TUSC3: variants seen among roughly 807,000 people sequenced by gnomAD.
TUSC3 encodes the protein dolichyl-diphosphooligosaccharide--protein glycosyltransferase subunit TUSC3.
In TUSC3, 45 loss-of-function variants were observed where a neutral mutation model predicts 44.8. That is an observed-to-expected ratio of 1.00 (90% CI 0.79 to 1.29). The LOEUF (loss-of-function observed/expected upper bound fraction) is 1.29. TUSC3 is among the 50% of genes most tolerant of loss of function. TUSC3 has a pLI of 0.00. For missense variants in TUSC3, 519 were observed against 437.9 expected, an observed-to-expected ratio of 1.19 and a Z score of -1.65; for synonymous variants, 212 against 152.9, an observed-to-expected ratio of 1.39 and a Z score of -2.85.
chr8:15,577,902 G>A lies in TUSC3; in HGVS notation c.138+37334G>A, dbSNP rs555416454. Among the ~76,000 whole-genome samples, 37 of 150,878 alleles carry A rather than the reference G, an allele frequency of 2.5e-4. No individual in the cohort carries two copies. In the East Asian group the frequency reaches 5.1e-3, roughly 21 times the overall value. On this transcript the variant is annotated intron_variant, in intron 1 of 10. Transcript: ENST00000503731. ...GGCATTGAATCTGTAAATTACCTTGGGCAGTACGGCCATTTTTATGATACT... is the reference window on the plus strand; with the variant it reads ...GGCATTGAATCTGTAAATTACCTTGAGCAGTACGGCCATTTTTATGATACT...
intron 1 of TUSC3, among the ~76,000 whole-genome samples, chr8:15,615,318 G>A (rs1804943015): frequency 1.3e-5 from 2 of 152,178 alleles, no homozygotes; most frequent in Admixed American, 6.5e-5. Context: ...CAACATGGAT[G>A]AGTCCAGAGG....
chr8:15,847,640 T>G, the TUSC3 span, among the ~76,000 whole-genome samples: 1 of 152,168 alleles, frequency 6.6e-6, no homozygotes, highest in African/African-American at 2.4e-5. Context: ...GAAAGCTAAC[T>G]TGTCCATTTT....
intron 2 of TUSC3, among the ~76,000 whole-genome samples, chr8:15,628,521 T>C (rs1306973629): frequency 6.6e-6 from 1 of 152,174 alleles, no homozygotes; most frequent in Non-Finnish European, 1.5e-5. Flanking sequence ...ATTGAAGTTC[T>C]TGGAAAATTT....
intron 1 of TUSC3, among the ~76,000 whole-genome samples, chr8:15,573,060 A>G: frequency 6.6e-6 from 1 of 151,818 alleles, no homozygotes; most frequent in Non-Finnish European, 1.5e-5. Context: ...AGTTGCCATC[A>G]ACCTTCAATT....
At chr8:15,535,781 A>C (rs534846511), upstream of TUSC3, among the ~76,000 whole-genome samples, 3 of 152,300 alleles carry the variant, frequency 2.0e-5, no homozygotes, top group East Asian at 5.8e-4. Flanking sequence ...GTCAAGGGTA[A>C]GGAGTTTTAA....
chr8:15,567,100 T>G (rs996061577), intron 1 of TUSC3, among the ~76,000 whole-genome samples: 2 of 152,186 alleles, frequency 1.3e-5, no homozygotes, highest in African/African-American at 2.4e-5. Flanking sequence ...CCACCATATC[T>G]TTCTGGGTCA....
intron 1 of TUSC3, among the ~76,000 whole-genome samples, chr8:15,423,213 G>A (rs1799760240): frequency 6.6e-6 from 1 of 152,132 alleles, no homozygotes; most frequent in Non-Finnish European, 1.5e-5. Flanking sequence ...ACATGGTACA[G>A]ACACACATAG....
At chr8:15,695,276 TTATCATGCTTATTCTCATGATAG>T (rs1004585436) in intron 6 of TUSC3, among the ~76,000 whole-genome samples, 4 of 152,206 alleles carry the variant, frequency 2.6e-5, no homozygotes, top group African/African-American at 9.6e-5. Context: ...GGGTAGGTCT[TTATCATGCTTATTCTCATGATAG>T]TGAATAAGTC....
At chr8:15,779,952 C>T in the TUSC3 span, among the ~76,000 whole-genome samples, 19 of 152,160 alleles carry the variant, frequency 1.2e-4, no homozygotes, top group Non-Finnish European at 4.4e-5. Flanking sequence ...GTCTTTCTCA[C>T]CATTTATATT....
At chr8:15,745,633 C>T (rs1811383309) in intron 8 of TUSC3, among the ~76,000 whole-genome samples, 1 of 151,618 alleles carries the variant, frequency 6.6e-6, no homozygotes, top group South Asian at 2.1e-4. Flanking sequence ...CCTTTTTCTA[C>T]TTTTTAATGG....
the TUSC3 span, among the ~76,000 whole-genome samples, chr8:15,779,882 T>C: frequency 6.6e-6 from 1 of 152,226 alleles, no homozygotes; most frequent in East Asian, 1.9e-4. Context: ...GTCTGTGTCA[T>C]ACTTAATGGT....
At chr8:15,806,517 T>C in the TUSC3 span, 1 of 1,230,190 alleles carries the variant, frequency 8.1e-7, no homozygotes, top group Non-Finnish European at 1.2e-6. Flanking sequence ...GGGTCATCAG[T>C]GACTTCAAGC....
In TUSC3 at chr8:15,765,727, T is replaced by A. The variant is rs1038549314; in HGVS notation, c.*1571T>A. The A allele has an allele frequency of 2.0e-5, 3 of 152,048 alleles. No individual in the cohort carries two copies. Among genetic ancestry groups the A allele is most frequent in the African/African-American group, 7.2e-5 (3 of 41,438 alleles). 9.4% of individuals were successfully genotyped at this position (152,048 alleles called of 1,614,324 possible). ...ATGTACTTAGATGAATAAATTTAGT[T>A]TTGGAATGACGTTTATGGAAAAGCA... On this transcript the variant is annotated 3_prime_UTR_variant, in exon 11 of 11. Transcript: ENST00000503731.
chr8:15,542,720 T>C (rs1258870183), intron 1 of TUSC3, among the ~76,000 whole-genome samples: 2 of 152,228 alleles, frequency 1.3e-5, no homozygotes, highest in African/African-American at 2.4e-5. Flanking sequence ...TCTCGAAATA[T>C]ATTTTTGAAA....
intron 1 of TUSC3, among the ~76,000 whole-genome samples, chr8:15,597,624 C>T (rs949628759): frequency 6.6e-6 from 1 of 151,986 alleles, no homozygotes; most frequent in Non-Finnish European, 1.5e-5. Context: ...AAGCTTTGAG[C>T]ATTGGATATG....
chr8:15,445,666 G>A (rs1024729379), intron 1 of TUSC3, among the ~76,000 whole-genome samples: 5 of 152,248 alleles, frequency 3.3e-5, no homozygotes, highest in Non-Finnish European at 5.9e-5. Flanking sequence ...TCCCAAGGCA[G>A]AGGAATTTTT....
chr8:15,435,221 C>A (rs993438322), intron 1 of TUSC3, among the ~76,000 whole-genome samples: 1 of 151,750 alleles, frequency 6.6e-6, no homozygotes, highest in South Asian at 2.1e-4. Context: ...TTTTAATGAT[C>A]GCCATTCTAA....
At chr8:15,811,758 G>C in the TUSC3 span, among the ~76,000 whole-genome samples, 6 of 152,112 alleles carry the variant, frequency 3.9e-5, no homozygotes, top group African/African-American at 1.4e-4. Context: ...ATAGTGCTTT[G>C]ATAATATAGT....
intron 2 of TUSC3, chr8:15,483,486 A>G (rs57753772): frequency 0.16 from 25,035 of 156,114 alleles, 2,639 homozygotes; most frequent in East Asian, 0.44. Flanking sequence ...GATTACAGGT[A>G]TGCACCACCA....
Sources: gnomAD v4.1 joint callset for allele counts (sites outside exome capture counted in the v4.1 genomes callset) on GRCh38, gnomAD v4.1.1 for gene constraint, MANE v1.5 for transcripts, NCBI Gene and HGNC (gene_info 2026-07-23, HGNC 2026-07-21) for gene names.